The following INTS1 variants were observed in gnomAD, a reference collection of about 807,000 sequenced individuals.
INTS1 encodes integrator complex subunit 1.
INTS1 carries 137 observed loss-of-function variants against 241.6 expected under a neutral mutation model. That is an observed-to-expected ratio of 0.57 (90% confidence interval 0.49 to 0.65). INTS1 has a LOEUF of 0.65. Among genes scored for constraint, INTS1 ranks in the 30% least tolerant of loss-of-function variants. The pLI is 0.00. For missense variants in INTS1, 3,073 were observed against 3,032.2 expected (o/e 1.01, Z -0.32); for synonymous variants, 1,692 against 1,337.8 (o/e 1.26, Z -5.78).
At chr7:1,503,676 G>A (rs921728331) in intron 2 of INTS1, among the ~76,000 whole-genome samples, 1 of 152,158 alleles carries the variant, frequency 6.6e-6, no homozygotes, top group Non-Finnish European at 1.5e-5. Flanking sequence ...AGCTCAGCCT[G>A]AAACGAGATC....
chr7:1,472,962 C>T, intron 43 of INTS1, 110 bp downstream of exon 43: 4 of 654,564 alleles, frequency 6.1e-6, no homozygotes, highest in Non-Finnish European at 1.0e-5. Flanking sequence ...GCTCACACAG[C>T]CCCCATCGGG....
At chr7:1,500,402 A>G in intron 3 of INTS1, 36 bp from the exon 4 acceptor site, 3 of 1,505,680 alleles carry the variant, frequency 2.0e-6, no homozygotes, top group Non-Finnish European at 2.7e-6. Context: ...GAACGGGGCC[A>G]GGGCAGGGTC....
Position 1,503,902 on chromosome 7 carries a change from C to G in INTS1, c.58+1G>C. 2.6e-6 allele frequency: 4 copies of G among 1,550,608 alleles called. No individual in the cohort carries two copies. Among genetic ancestry groups the G allele is most frequent in the Non-Finnish European group, 3.5e-6 (4 of 1,149,146 alleles). On this transcript the variant is annotated splice_donor_variant, in intron 2 of 47. Coordinates refer to ENST00000404767, the MANE Select transcript of INTS1 (RefSeq NM_001080453.3). LOFTEE classifies it high-confidence loss of function. ...GCTGCAGAGCGAGGAGGGAGACGCA[C>G]CTGAGGGTTTGGCCGCGGCGCTGGG...
rs1167986666 is a variant in INTS1, at chr7:1,493,183, G to C, written c.2069-77C>G. The C allele has an allele frequency of 4.9e-6, 6 of 1,217,084 alleles. No homozygotes were observed. Among genetic ancestry groups the C allele is most frequent in the East Asian group, 4.9e-5 (2 of 40,790 alleles). 75.4% of individuals were successfully genotyped at this position (1,217,084 alleles called of 1,614,324 possible). On this transcript the variant is annotated intron_variant, in intron 15 of 47. Coordinates refer to ENST00000404767, the MANE Select transcript of INTS1 (RefSeq NM_001080453.3). The surrounding 1 kb of genome is among the most constrained non-coding windows in gnomAD (Gnocchi z 5.3). Reference sequence around the variant, plus strand: ...CACAGGCAGCGAGGGAACCGGCCCTGCTCGGGCCGCGTCGGGGTGGGGTGG... The same window carrying C: ...CACAGGCAGCGAGGGAACCGGCCCTCCTCGGGCCGCGTCGGGGTGGGGTGG...
intron 26 of INTS1, chr7:1,483,455 G>A: frequency 7.8e-6 from 4 of 510,512 alleles, no homozygotes; most frequent in South Asian, 2.0e-5. Flanking sequence ...CGGTTAGGCT[G>A]GGGCAGTGAG....
At position 1,499,553 on chromosome 7, in the gene INTS1, G is replaced by A. The variant is rs769669234; in HGVS notation, c.764C>T (p.Thr255Met). 1.2e-5 allele frequency: 20 copies of A among 1,613,450 alleles called. No homozygotes were observed. The highest frequency in any genetic ancestry group is 1.7e-5 in the Admixed American group (1 of 59,978). ...GGGGGGCATTCTGGTGTTGAAGGCC[G>A]TCTGGATGTTGTCCACAAACGTCTT... ...HCKTFVDNIQ[T>M]AFNTRMPPRS... The change falls in exon 6 of 48, where the codon ACG becomes ATG. Residue 255 changes from threonine (T) to methionine (M), a missense_variant. Physicochemically the swap from Thr to Met is moderately conservative, Grantham distance 81. Coordinates refer to ENST00000404767, the MANE Select transcript of INTS1 (RefSeq NM_001080453.3).
chr7:1,490,238 G>A (rs1172726055), intron 16 of INTS1, among the ~76,000 whole-genome samples: 2 of 152,242 alleles, frequency 1.3e-5, no homozygotes, highest in Non-Finnish European at 2.9e-5. Flanking sequence ...AGGCTCAAGT[G>A]CAGTGCGGGA....
At position 1,476,040 on chromosome 7, in the gene INTS1, G is replaced by A. The variant is rs1214645999; in HGVS notation, c.5410C>T (p.Leu1804=). 2 of 1,545,536 alleles carry A rather than the reference G, an allele frequency of 1.3e-6. No individual in the cohort carries two copies. Among genetic ancestry groups the A allele is most frequent in the Non-Finnish European group, 1.7e-6 (2 of 1,146,558 alleles). The change falls in exon 39 of 48, where the codon CTG becomes TTG. Residue 1804 remains leucine, a synonymous_variant. Coordinates refer to ENST00000404767, the MANE Select transcript of INTS1 (RefSeq NM_001080453.3). ...VLGRRCRDLL[L]QLYLQRPELR... Reference sequence around the variant, plus strand: ...TCCGGCCGCTGTAGGTAGAGCTGCAGGAGAAGGTCTCGGCAGCGCCTGCCC... The same window carrying A: ...TCCGGCCGCTGTAGGTAGAGCTGCAAGAGAAGGTCTCGGCAGCGCCTGCCC...
In INTS1 at chr7:1,495,544, A is replaced by C. The variant is rs1782805353; in HGVS notation, c.1721T>G (p.Val574Gly). The C allele has an allele frequency of 1.2e-6, 2 of 1,610,368 alleles. No individual in the cohort carries two copies. Among genetic ancestry groups the C allele is most frequent in the African/African-American group, 1.3e-5 (1 of 74,880 alleles). The change falls in exon 13 of 48, where the codon GTG becomes GGG. Residue 574 changes from valine to glycine, a missense_variant. Physicochemically the swap from Val to Gly is moderately radical, Grantham distance 109 (BLOSUM62 -3). Transcript: ENST00000404767. ...WDKGEKRNLE[V>G]LRSFQNQIAA... ...AATCTGGTTCTGGAATGAGCGGAGCACTTCCAGGTCTGAAACAGACACGCA... is the reference window on the plus strand; with the variant it reads ...AATCTGGTTCTGGAATGAGCGGAGCCCTTCCAGGTCTGAAACAGACACGCA...
chr7:1,493,182 T>C lies in INTS1; in HGVS notation c.2069-76A>G, dbSNP rs999293019. 1.0e-6 allele frequency: 1 copy of C among 955,784 alleles called. No homozygotes were observed. The highest frequency in any genetic ancestry group is 1.5e-6 in the Non-Finnish European group (1 of 647,856). 59.2% of individuals were successfully genotyped at this position (955,784 alleles called of 1,614,324 possible). A position where few individuals can be genotyped will look rare whatever the true frequency, so the allele number is the denominator to read the frequency against. On this transcript the variant is annotated intron_variant, in intron 15 of 47. Coordinates refer to ENST00000404767, the MANE Select transcript of INTS1 (RefSeq NM_001080453.3). This position sits in a 1 kb window ranked among gnomAD's most constrained non-coding sequence, Gnocchi z 5.3. Reference sequence around the variant, plus strand: ...GCACAGGCAGCGAGGGAACCGGCCCTGCTCGGGCCGCGTCGGGGTGGGGTG... The same window carrying C: ...GCACAGGCAGCGAGGGAACCGGCCCCGCTCGGGCCGCGTCGGGGTGGGGTG...
At chr7:1,478,059 G>A (rs946552684) in intron 33 of INTS1, 123 bp from the exon 34 acceptor site, 2 of 861,366 alleles carry the variant, frequency 2.3e-6, no homozygotes, top group African/African-American at 1.7e-5. Flanking sequence ...GCAGAGTCCA[G>A]CCGGAGCCAG....
chr7:1,473,973 A>G (rs907993703), intron 41 of INTS1, among the ~76,000 whole-genome samples, 195 bp downstream of exon 41: 2 of 152,176 alleles, frequency 1.3e-5, no homozygotes, highest in African/African-American at 4.8e-5. Context: ...CTTCTGAAGG[A>G]CGTGGGCCCC....
intron 44 of INTS1, 62 bp from the exon 45 acceptor site, chr7:1,471,703 C>A: frequency 6.5e-7 from 1 of 1,526,746 alleles, no homozygotes; most frequent in Non-Finnish European, 9.1e-7. Flanking sequence ...GCCCACCCCA[C>A]CCCAGCCACC....
chr7:1,473,366 A>C (rs763886537), intron 42 of INTS1, among the ~76,000 whole-genome samples, 182 bp from the exon 43 acceptor site: 2 of 152,028 alleles, frequency 1.3e-5, no homozygotes, highest in African/African-American at 4.8e-5. Flanking sequence ...AGAGCCAGAG[A>C]GCTGCAGGGG....
Position 1,489,979 on chromosome 7 carries a change from A to G in INTS1, c.2166-297T>C, listed in dbSNP as rs142406565. Among the ~76,000 whole-genome samples the G allele has an allele frequency of 6.8e-3, 1,033 of 152,328 alleles. 3 individuals carry two copies. The highest frequency in any genetic ancestry group is 0.012 in the Non-Finnish European group (834 of 68,022). On this transcript the variant is annotated intron_variant, in intron 16 of 47. Coordinates refer to ENST00000404767, the MANE Select transcript of INTS1 (RefSeq NM_001080453.3). ...AGTGACAATGATTTTTGTACTCTAC[A>G]TGACATAACAGACACCACCCCAGGA...
chr7:1,493,208 G>T lies in INTS1; in HGVS notation c.2069-102C>A. The stretch of plus-strand genomic sequence containing the variant: ...GCTCGGGCCGCGTCGGGGTGGGGTG[G>T]GGGATGCCGCAGGGTGGGGCGCAGG... On this transcript the variant is annotated intron_variant, in intron 15 of 47. Coordinates refer to ENST00000404767, the MANE Select transcript of INTS1 (RefSeq NM_001080453.3). The surrounding 1 kb of genome is among the most constrained non-coding windows in gnomAD (Gnocchi z 5.3). The T allele has an allele frequency of 1.2e-6, 1 of 847,876 alleles. No homozygotes were observed. The highest frequency in any genetic ancestry group is 1.9e-6 in the Non-Finnish European group (1 of 526,190). 52.5% of individuals were successfully genotyped at this position (847,876 alleles called of 1,614,324 possible).
intron 5 of INTS1, 100 bp downstream of exon 5, chr7:1,499,784 G>A: frequency 3.4e-6 from 5 of 1,474,310 alleles, no homozygotes; most frequent in Non-Finnish European, 4.6e-6. Flanking sequence ...AGGGCTGTCA[G>A]ACACAGCCCT....
rs747233423 is a variant in INTS1 at position 1,497,133 on chromosome 7, G to A, written c.1602+5C>T. On this transcript the variant is annotated splice_donor_5th_base_variant and intron_variant, in intron 11 of 47. Coordinates refer to ENST00000404767, the MANE Select transcript of INTS1 (RefSeq NM_001080453.3). This position sits in a 1 kb window ranked among gnomAD's most constrained non-coding sequence, Gnocchi z 5.3. ...GAAAGGCGCCCCAGCGGCGAGGGCT[G>A]GCACCTTGAACTCCATCTCCAGGTA... 3.1e-6 allele frequency: 5 copies of A among 1,598,722 alleles called. No individual in the cohort carries two copies. The African/African-American group carries it at 5.4e-5, about 17-fold the overall frequency.
intron 42 of INTS1, 61 bp downstream of exon 42, chr7:1,473,505 C>T (rs1781570184): frequency 1.3e-6 from 2 of 1,543,234 alleles, no homozygotes; most frequent in African/African-American, 2.7e-5. Flanking sequence ...GGAACACCCT[C>T]CAGACCCCGC....
Sources: allele counts gnomAD v4.1 joint callset (sites outside exome capture counted in the v4.1 genomes callset), GRCh38; gene constraint gnomAD v4.1.1; non-coding constraint Gnocchi (gnomAD v3.1); transcripts MANE v1.5; gene names NCBI Gene and HGNC (gene_info 2026-07-23, HGNC 2026-07-21).